KIAA1143: variants seen among roughly 807,000 people sequenced by gnomAD.
KIAA1143 encodes the protein uncharacterized protein KIAA1143.
Under a neutral mutation model 17.0 loss-of-function variants are expected in KIAA1143, and 8 were observed. That is an observed-to-expected ratio of 0.47 (90% CI 0.28 to 0.85). KIAA1143 has a LOEUF of 0.85. KIAA1143 is among the 40% of genes least tolerant of loss of function. The pLI, the probability that KIAA1143 is intolerant of heterozygous loss-of-function variation, is 0.12. For synonymous variants in KIAA1143, 64 were observed against 67.8 expected (o/e 0.94, Z 0.27); for missense variants, 162 against 183.3 (o/e 0.88, Z 0.67).
At chr3:44,756,761 T>G (rs1704978987) in intron 1 of KIAA1143, among the ~76,000 whole-genome samples, 1 of 152,194 alleles carries the variant, frequency 6.6e-6, no homozygotes, top group Non-Finnish European at 1.5e-5. Flanking sequence ...CAATAAAATA[T>G]TTAGAGACAG....
rs1704864141 is a variant in KIAA1143 at position 44,749,407 on chromosome 3, A to G, written c.*3934T>C. 6.6e-6 allele frequency: 1 copy of G among 152,202 alleles called. No homozygotes were observed. The highest frequency in any genetic ancestry group is 2.1e-4 in the South Asian group (1 of 4,826). 9.4% of individuals were successfully genotyped at this position (152,202 alleles called of 1,614,324 possible). On this transcript the variant is annotated 3_prime_UTR_variant, in exon 3 of 3. Transcript: ENST00000296121. ...CTGTCTCAAAAAAACAAAACAAAAC[A>G]AACTTAAAAAAGATAATGTGGCACC... is the stretch of plus-strand genomic sequence containing the variant.
Position 44,753,431 on chromosome 3 carries a change from TTCA to T in KIAA1143, c.372_374del (p.Asp124del). The T allele has an allele frequency of 6.3e-7, 1 of 1,597,204 alleles. No individual in the cohort carries two copies. The highest frequency in any genetic ancestry group is 8.6e-7 in the Non-Finnish European group (1 of 1,164,972). On this transcript the variant is annotated inframe_deletion, in exon 3 of 3. Transcript: ENST00000296121. ...TCTTTTTGACCGAGTCCTGATTTAC[TTCA>T]TCTTCATTTGGCTTCTTCTTTTTTG...
intron 1 of KIAA1143, among the ~76,000 whole-genome samples, chr3:44,757,213 A>T (rs904292441): frequency 6.6e-6 from 1 of 152,046 alleles, no homozygotes; most frequent in African/African-American, 2.4e-5. Context: ...TCATCGCTCA[A>T]TCTATGTCCC....
chr3:44,755,926 A>G (rs1575558883), intron 1 of KIAA1143, among the ~76,000 whole-genome samples: 7 of 152,366 alleles, frequency 4.6e-5, no homozygotes, highest in Admixed American at 6.5e-5. Flanking sequence ...GTGCCATTTT[A>G]ACTATAACTC....
chr3:44,755,346 G>A (rs1704954508), intron 1 of KIAA1143, among the ~76,000 whole-genome samples: 2 of 152,110 alleles, frequency 1.3e-5, no homozygotes, highest in Non-Finnish European at 2.9e-5. Context: ...AGGTGGAACT[G>A]TTGGGTTGAA....
At chr3:44,755,446 A>C (rs975591413) in intron 1 of KIAA1143, among the ~76,000 whole-genome samples, 4 of 152,190 alleles carry the variant, frequency 2.6e-5, no homozygotes, top group Non-Finnish European at 5.9e-5. Context: ...GGTCTCCCAA[A>C]CAAGGCGACA....
intron 1 of KIAA1143, among the ~76,000 whole-genome samples, 187 bp downstream of exon 1, chr3:44,761,308 G>A (rs1045777809): frequency 2.0e-5 from 3 of 152,202 alleles, no homozygotes; most frequent in African/African-American, 7.2e-5. Context: ...AAACTACAGA[G>A]CTTCCTGGGC....
Position 44,757,663 on chromosome 3 carries a change from TTATAGA to T in KIAA1143, c.109-3301_109-3296del, listed in dbSNP as rs1244435947. Among the ~76,000 whole-genome samples the T allele has an allele frequency of 2.6e-5, 4 of 152,316 alleles. No individual in the cohort carries two copies. In the South Asian group the frequency reaches 6.2e-4, roughly 24 times the overall value. Reference sequence around the variant, plus strand: ...AAGTAGTTGCAATATAAAATGAATGTTATAGATAAGATATGGATAAGGTAAAGAGAA... The same window carrying T: ...AAGTAGTTGCAATATAAAATGAATGTTAAGATATGGATAAGGTAAAGAGAA... On this transcript the variant is annotated intron_variant, in intron 1 of 2. Transcript: ENST00000296121.
rs1396861200 is a variant in KIAA1143, at chr3:44,751,850, G to T, written c.*1491C>A. The T allele has an allele frequency of 6.6e-6, 1 of 152,168 alleles. No individual in the cohort carries two copies. Among genetic ancestry groups the T allele is most frequent in the Admixed American group, 6.5e-5 (1 of 15,268 alleles). The allele number at this position is 152,168 out of a possible 1,614,324, so 9.4% of individuals were successfully genotyped here. ...TCAAGAAGCTACCCTGTCTCCCCTAGACAAAGCAGGGTGAGAGTTACGTGA... is the reference window on the plus strand; with the variant it reads ...TCAAGAAGCTACCCTGTCTCCCCTATACAAAGCAGGGTGAGAGTTACGTGA... On this transcript the variant is annotated 3_prime_UTR_variant, in exon 3 of 3. Transcript: ENST00000296121.
chr3:44,754,438 G>GAT (rs1704937140), intron 1 of KIAA1143, 70 bp from the exon 2 acceptor site: 2 of 1,378,122 alleles, frequency 1.5e-6, no homozygotes, highest in South Asian at 2.6e-5. Context: ...GCCTCTAAGA[G>GAT]AAACTGTAAT....
At chr3:44,755,726 T>C (rs1439076309) in intron 1 of KIAA1143, among the ~76,000 whole-genome samples, 1 of 152,220 alleles carries the variant, frequency 6.6e-6, no homozygotes, top group East Asian at 1.9e-4. Flanking sequence ...ACACTGTGCA[T>C]AGCTCATAGG....
At chr3:44,760,892 C>T (rs1396682768) in intron 1 of KIAA1143, among the ~76,000 whole-genome samples, 1 of 151,818 alleles carries the variant, frequency 6.6e-6, no homozygotes, top group Non-Finnish European at 1.5e-5. Flanking sequence ...ACCATATTGG[C>T]TATTGGCTCT....
chr3:44,751,949 C>G lies in KIAA1143; in HGVS notation c.*1392G>C, dbSNP rs907809313. The G allele has an allele frequency of 6.6e-6, 1 of 152,198 alleles. No individual in the cohort carries two copies. The highest frequency in any genetic ancestry group is 1.5e-5 in the Non-Finnish European group (1 of 68,074). The allele number at this position is 152,198 out of a possible 1,614,324, so 9.4% of individuals were successfully genotyped here. A position where few individuals can be genotyped will look rare whatever the true frequency, so the allele number is the denominator to read the frequency against. ...GAAGAAAGACCCTCAGTCTCTCAGC[C>G]TCCCATAAAGATTTACGAGGATCAC... On this transcript the variant is annotated 3_prime_UTR_variant, in exon 3 of 3. Transcript: ENST00000296121.
rs773636964 is a variant in KIAA1143 at position 44,754,220 on chromosome 3, C to G, written c.253+4G>C. On this transcript the variant is annotated splice_donor_region_variant and intron_variant, in intron 2 of 2. Transcript: ENST00000296121. ...TAGAAAAACCAGATTACTTTTAGACCTACCTGCTTTGGCAGCCTTTATTTC... is the reference window on the plus strand; with the variant it reads ...TAGAAAAACCAGATTACTTTTAGACGTACCTGCTTTGGCAGCCTTTATTTC... 5.4e-5 allele frequency: 87 copies of G among 1,612,446 alleles called. No homozygotes were observed. In the South Asian group the frequency reaches 9.3e-4, roughly 17 times the overall value.
At position 44,761,564 on chromosome 3, in the gene KIAA1143, G is replaced by A; in HGVS notation, c.39C>T (p.Ala13=). The change falls in exon 1 of 3, where the codon GCC becomes GCT. Residue 13 remains alanine, a synonymous_variant. Transcript: ENST00000296121. ...TGAAGCGGGCCAGAAACGCCGGCTC[G>A]GCTGGCCGCACGTACGATACCTGGT... ...KRNQVSYVRP[A]EPAFLARFKE... is the part of the protein sequence containing the mutation. 6.2e-7 allele frequency: 1 copy of A among 1,614,094 alleles called. No homozygotes were observed. The highest frequency in any genetic ancestry group is 8.5e-7 in the Non-Finnish European group (1 of 1,180,028).
chr3:44,757,563 G>C (rs1464336795), intron 1 of KIAA1143, among the ~76,000 whole-genome samples: 1 of 152,200 alleles, frequency 6.6e-6, no homozygotes, highest in East Asian at 1.9e-4. Context: ...ACTGTGCTAG[G>C]TGCTGGGAAA....
At chr3:44,756,867 T>C (rs1704980583) in intron 1 of KIAA1143, among the ~76,000 whole-genome samples, 1 of 152,222 alleles carries the variant, frequency 6.6e-6, no homozygotes, top group African/African-American at 2.4e-5. Flanking sequence ...CTAATTTATA[T>C]AGTAAACTTC....
intron 1 of KIAA1143, among the ~76,000 whole-genome samples, chr3:44,760,476 T>A (rs560315548): frequency 1.3e-5 from 2 of 151,134 alleles, no homozygotes; most frequent in East Asian, 3.9e-4. Context: ...TGCAAGCTCC[T>A]CCTCCTGGGT....
intron 1 of KIAA1143, among the ~76,000 whole-genome samples, chr3:44,760,806 C>T (rs556119456): frequency 1.1e-4 from 17 of 152,144 alleles, no homozygotes; most frequent in South Asian, 4.2e-4. Flanking sequence ...TCTCAGCCTC[C>T]GGAGTAGCTG....
Sources: gnomAD v4.1 joint callset for allele counts (sites outside exome capture counted in the v4.1 genomes callset) on GRCh38, gnomAD v4.1.1 for gene constraint, MANE v1.5 for transcripts, NCBI Gene and HGNC (gene_info 2026-07-23, HGNC 2026-07-21) for gene names.